LTBP1: variants seen among roughly 807,000 people sequenced by gnomAD.
LTBP1 encodes the protein latent-transforming growth factor beta-binding protein 1.
Under a neutral mutation model 207.6 loss-of-function variants are expected in LTBP1, and 129 were observed. The observed-to-expected ratio is 0.62, with a 90% CI of 0.54 to 0.72. The LOEUF is 0.72. Ranked by LOEUF, LTBP1 falls within the 30% of genes least tolerant of loss-of-function variation. LTBP1 has a pLI of 0.00. For synonymous variants in LTBP1, 963 were observed against 833.7 expected (o/e 1.16, Z -2.67); for missense variants, 2,281 against 2,217.2 (o/e 1.03, Z -0.58).
intron 24 of LTBP1, among the ~76,000 whole-genome samples, chr2:33,321,607 G>C (rs1321275257): frequency 6.6e-6 from 1 of 152,172 alleles, no homozygotes; most frequent in Non-Finnish European, 1.5e-5. Flanking sequence ...TGGTTTTGTG[G>C]CATGGATATA....
At chr2:32,984,690 G>A (rs1192882019) in intron 2 of LTBP1, among the ~76,000 whole-genome samples, 2 of 152,106 alleles carry the variant, frequency 1.3e-5, no homozygotes, top group Non-Finnish European at 2.9e-5. Flanking sequence ...GGAGGCCGAG[G>A]CGGATGGATC....
intron 7 of LTBP1, among the ~76,000 whole-genome samples, chr2:33,202,800 T>C (rs144607163): frequency 6.6e-6 from 1 of 152,322 alleles, no homozygotes; most frequent in East Asian, 1.9e-4. Context: ...CCAGGTGATC[T>C]TGGACCAGTG....
intron 19 of LTBP1, among the ~76,000 whole-genome samples, chr2:33,286,449 A>G (rs1451515830): frequency 6.6e-6 from 1 of 152,258 alleles, no homozygotes; most frequent in Non-Finnish European, 1.5e-5. Context: ...TTATATGAAT[A>G]TTCATAGACT....
At chr2:33,090,814 A>T (rs2079042137) in intron 3 of LTBP1, among the ~76,000 whole-genome samples, 1 of 152,228 alleles carries the variant, frequency 6.6e-6, no homozygotes, top group African/African-American at 2.4e-5. Flanking sequence ...ACTCAACGCC[A>T]TTTCATATAG....
At chr2:32,958,827 C>T (rs1018483693) in intron 2 of LTBP1, among the ~76,000 whole-genome samples, 1 of 152,188 alleles carries the variant, frequency 6.6e-6, no homozygotes, top group African/African-American at 2.4e-5. Flanking sequence ...GGCACAACAC[C>T]TTACTCTGTT....
intron 2 of LTBP1, among the ~76,000 whole-genome samples, chr2:32,950,232 T>C (rs956290736): frequency 3.9e-5 from 6 of 152,176 alleles, no homozygotes; most frequent in Non-Finnish European, 5.9e-5. Flanking sequence ...ACAGCACCAC[T>C]GCAATGGGAT....
At chr2:33,214,997 A>T (rs935264593) in intron 7 of LTBP1, among the ~76,000 whole-genome samples, 1 of 152,070 alleles carries the variant, frequency 6.6e-6, no homozygotes, top group Admixed American at 6.6e-5. Context: ...GGAGTCTGGT[A>T]CTTTCGAGAG....
At chr2:33,272,894 G>C (rs1269282885) in intron 15 of LTBP1, among the ~76,000 whole-genome samples, 1 of 151,998 alleles carries the variant, frequency 6.6e-6, no homozygotes, top group Non-Finnish European at 1.5e-5. Context: ...CCTAACCATG[G>C]ACTCCTAAGA....
intron 2 of LTBP1, among the ~76,000 whole-genome samples, chr2:33,017,354 G>C (rs546146203): frequency 6.6e-6 from 1 of 152,336 alleles, no homozygotes; most frequent in East Asian, 1.9e-4. Flanking sequence ...TTGTGTGTCA[G>C]TGATTCTCAA....
At chr2:33,253,500 T>A (rs1175530885) in intron 11 of LTBP1, among the ~76,000 whole-genome samples, 1 of 152,180 alleles carries the variant, frequency 6.6e-6, no homozygotes, top group African/African-American at 2.4e-5. Flanking sequence ...CAGGATCAAG[T>A]AGAGTTAAGT....
At chr2:33,359,802 T>G (rs1192305259) in intron 26 of LTBP1, among the ~76,000 whole-genome samples, 1 of 152,226 alleles carries the variant, frequency 6.6e-6, no homozygotes, top group East Asian at 1.9e-4. Flanking sequence ...ACAGACTTGT[T>G]CAAAGATTTC....
At chr2:33,080,332 C>T (rs1000643725) in intron 3 of LTBP1, among the ~76,000 whole-genome samples, 2 of 152,154 alleles carry the variant, frequency 1.3e-5, no homozygotes, top group South Asian at 4.1e-4. Flanking sequence ...CCATCCCAGA[C>T]CACATGTTTT....
intron 2 of LTBP1, among the ~76,000 whole-genome samples, chr2:32,997,468 C>T (rs890340841): frequency 1.3e-5 from 2 of 152,130 alleles, no homozygotes; most frequent in Admixed American, 6.5e-5. Context: ...ATGATTATGC[C>T]GTTCCAGCCT....
intron 7 of LTBP1, among the ~76,000 whole-genome samples, chr2:33,210,812 C>G (rs1402905138): frequency 6.6e-6 from 1 of 152,196 alleles, no homozygotes; most frequent in African/African-American, 2.4e-5. Context: ...TGTTCCATCT[C>G]TTTGGAATCT....
chr2:33,318,506 T>G (rs1273114398), intron 24 of LTBP1, among the ~76,000 whole-genome samples: 2 of 152,350 alleles, frequency 1.3e-5, no homozygotes, highest in East Asian at 3.9e-4. Flanking sequence ...TAAGTGTTTA[T>G]AACACAGCAT....
At chr2:33,150,509 A>G (rs78548074) in intron 5 of LTBP1, among the ~76,000 whole-genome samples, 2,313 of 151,992 alleles carry the variant, frequency 0.015, 23 homozygotes, top group East Asian at 0.027. Flanking sequence ...CACTATCCAT[A>G]TAATAACTTT....
chr2:33,397,286 A>G lies in LTBP1; in HGVS notation c.4984+4A>G. The G allele has an allele frequency of 6.2e-7, 1 of 1,614,028 alleles. No individual in the cohort carries two copies. The highest frequency in any genetic ancestry group is 1.3e-5 in the African/African-American group (1 of 75,052). Reference sequence around the variant, plus strand: ...ACGGCCAAGATGACCTGTGTCGGTAAGAATGACGTGTGTTTTATGGGACAT... The same window carrying G: ...ACGGCCAAGATGACCTGTGTCGGTAGGAATGACGTGTGTTTTATGGGACAT... On this transcript the variant is annotated splice_donor_region_variant and intron_variant, in intron 33 of 33. Transcript: ENST00000404816.
intron 31 of LTBP1, among the ~76,000 whole-genome samples, chr2:33,372,627 A>G (rs974584576): frequency 2.0e-4 from 30 of 152,342 alleles, no homozygotes; most frequent in African/African-American, 6.0e-4. Flanking sequence ...TAATCCCAGC[A>G]CTTTGGGAGG....
At chr2:33,173,787 C>T (rs917106753) in intron 5 of LTBP1, among the ~76,000 whole-genome samples, 1 of 140,044 alleles carries the variant, frequency 7.1e-6, no homozygotes, top group African/African-American at 2.6e-5. Flanking sequence ...TCCAGCAGCA[C>T]ATCCAAAAGC....
Sources: allele counts gnomAD v4.1 joint callset (sites outside exome capture counted in the v4.1 genomes callset), GRCh38; gene constraint gnomAD v4.1.1; transcripts MANE v1.5; gene names NCBI Gene and HGNC (gene_info 2026-07-23, HGNC 2026-07-21).